WIPI2: variants seen among roughly 807,000 people sequenced by gnomAD.
The protein encoded by WIPI2 is WD repeat domain phosphoinositide-interacting protein 2.
In WIPI2, 28 loss-of-function variants were observed where a neutral mutation model predicts 52.3. The observed-to-expected ratio is 0.54, with a 90% CI of 0.40 to 0.73. The LOEUF (loss-of-function observed/expected upper bound fraction) is 0.73. WIPI2 is among the 30% of genes least tolerant of loss of function. The pLI is 0.00. For missense variants in WIPI2, 506 were observed against 602.9 expected (o/e 0.84, Z 1.68); for synonymous variants, 268 against 245.0 (o/e 1.09, Z -0.88).
In WIPI2 at chr7:5,223,406, C is replaced by T. The variant is rs1356734816; in HGVS notation, c.740+734C>T. ...GGCTGTCTTTCGGGGACTCTCCCGC[C>T]ATCTGGTCCCCTTTCCTCATGGGAT... On this transcript the variant is annotated intron_variant, in intron 8 of 12. Coordinates refer to ENST00000288828, the MANE Select transcript of WIPI2 (RefSeq NM_015610.4). Among the ~76,000 whole-genome samples the T allele has an allele frequency of 2.0e-5, 3 of 152,226 alleles. No individual in the cohort carries two copies. In the East Asian group the frequency reaches 5.8e-4, roughly 29 times the overall value.
At chr7:5,229,215 CTG>C (rs1185320306) in intron 11 of WIPI2, among the ~76,000 whole-genome samples, 2 of 152,110 alleles carry the variant, frequency 1.3e-5, no homozygotes, top group African/African-American at 4.8e-5. Flanking sequence ...CGGGGTTTCA[CTG>C]TGTTAGCCAG....
rs1043980287 is a variant in WIPI2, at chr7:5,232,553, G to A, written c.*1606G>A. ...TTTGATGAAATGGGATCCCGGTCAC[G>A]CAGGCTGAGACAGTGGGGACCGCCG... is the stretch of plus-strand genomic sequence containing the variant. On this transcript the variant is annotated 3_prime_UTR_variant, in exon 13 of 13. Transcript: ENST00000288828. The A allele has an allele frequency of 6.1e-5, 23 of 376,728 alleles. No individual in the cohort carries two copies. Among genetic ancestry groups the A allele is most frequent in the Middle Eastern group, 6.7e-4 (1 of 1,498 alleles). 23.3% of individuals were successfully genotyped at this position (376,728 alleles called of 1,614,324 possible). A position where few individuals can be genotyped will look rare whatever the true frequency, so the allele number is the denominator to read the frequency against.
At chr7:5,212,183 A>T (rs1782592831) in intron 3 of WIPI2, among the ~76,000 whole-genome samples, 1 of 152,072 alleles carries the variant, frequency 6.6e-6, no homozygotes, top group Admixed American at 6.6e-5. Context: ...ATGACAGGCG[A>T]CATTAGACCT....
intron 2 of WIPI2, among the ~76,000 whole-genome samples, chr7:5,195,591 C>T (rs1250461573): frequency 2.0e-5 from 3 of 152,208 alleles, no homozygotes; most frequent in African/African-American, 7.2e-5. Context: ...CTCCTACTTA[C>T]CTGTTGCTCT....
chr7:5,225,281 C>T (rs1327525557), intron 8 of WIPI2, among the ~76,000 whole-genome samples: 3 of 152,060 alleles, frequency 2.0e-5, no homozygotes, highest in Admixed American at 1.3e-4. Context: ...GCTGGGACTA[C>T]AGGCACCCGC....
rs779801986 is a variant in WIPI2 at position 5,227,216 on chromosome 7, C to G, written c.885C>G (p.Phe295Leu). 6.2e-7 allele frequency: 1 copy of G among 1,613,982 alleles called. No homozygotes were observed. Residue 295 changes from phenylalanine to leucine, a missense_variant, in exon 10 of 13, where the codon TTC (phenylalanine) becomes TTG (leucine). Physicochemically the swap from Phe to Leu is conservative, Grantham distance 22 (BLOSUM62 0). Transcript: ENST00000288828. The surrounding 1 kb of genome is among the most constrained non-coding windows in gnomAD (Gnocchi z 8.1). The part of the protein sequence containing the change: ...PEEPTTWTGY[F>L]GKVLMASTSY... Reference sequence around the variant, plus strand: ...AGCCCACCACCTGGACCGGGTACTTCGGGAAAGTGCTCATGGCCTCCACCA... The same window carrying G: ...AGCCCACCACCTGGACCGGGTACTTGGGGAAAGTGCTCATGGCCTCCACCA...
At chr7:5,208,772 G>A (rs1382280731) in intron 3 of WIPI2, among the ~76,000 whole-genome samples, 2 of 151,874 alleles carry the variant, frequency 1.3e-5, no homozygotes, top group South Asian at 2.1e-4. Context: ...TGATCTATTT[G>A]TCAGTCTTCA....
At chr7:5,225,992 C>G in intron 9 of WIPI2, 62 bp downstream of exon 9, 3 of 1,502,374 alleles carry the variant, frequency 2.0e-6, no homozygotes, top group South Asian at 2.4e-5. Context: ...CACTTGCTGC[C>G]GGGATGAGAG....
chr7:5,222,604 G>T lies in WIPI2; in HGVS notation c.672G>T (p.Gly224=), dbSNP rs1231828096. 2 of 1,613,786 alleles carry T rather than the reference G, an allele frequency of 1.2e-6. No individual in the cohort carries two copies. Among genetic ancestry groups the T allele is most frequent in the Non-Finnish European group, 1.7e-6 (2 of 1,179,848 alleles). ...TCTTTTCTCTTTTCCTTCCACAGGG[G>T]ACCGTGATTAGGGTATTTTCCATTC... ...GTKLATASEK[G]TVIRVFSIPE... The change falls in exon 8 of 13, where the codon GGG becomes GGT. Residue 224 remains glycine, a splice_region_variant and synonymous_variant. Transcript: ENST00000288828.
chr7:5,233,490 C>T lies in WIPI2; in HGVS notation c.*2543C>T, dbSNP rs7904. The T allele has an allele frequency of 0.37, 56,479 of 152,458 alleles. 10,545 individuals carry two copies. The highest frequency in any genetic ancestry group is 0.43 in the African/African-American group (17,822 of 41,484). The allele number at this position is 152,458 out of a possible 1,614,324, so 9.4% of individuals were successfully genotyped here. Reference sequence around the variant, plus strand: ...GTATTTTTCCAAACTTCAAAAAGGACGATGAGCGTGGGGGATAGGAAACAA... The same window carrying T: ...GTATTTTTCCAAACTTCAAAAAGGATGATGAGCGTGGGGGATAGGAAACAA... On this transcript the variant is annotated 3_prime_UTR_variant, in exon 13 of 13. Transcript: ENST00000288828.
chr7:5,190,310 T>C lies in WIPI2; in HGVS notation c.-110T>C. The C allele has an allele frequency of 3.2e-6, 2 of 634,890 alleles. No homozygotes were observed. Among genetic ancestry groups the C allele is most frequent in the Non-Finnish European group, 4.4e-6 (2 of 458,970 alleles). 39.3% of individuals were successfully genotyped at this position (634,890 alleles called of 1,614,324 possible). A position where few individuals can be genotyped will look rare whatever the true frequency, so the allele number is the denominator to read the frequency against. ...CGGCGGTTGATCCCAGGGTGGCGAG[T>C]GGCGGCGACCGAGGCGGCGAGCGGG... On this transcript the variant is annotated 5_prime_UTR_variant, in exon 1 of 13. Coordinates refer to ENST00000288828, the MANE Select transcript of WIPI2 (RefSeq NM_015610.4).
intron 6 of WIPI2, 167 bp downstream of exon 6, chr7:5,217,354 G>C (rs1358704771): frequency 2.8e-6 from 2 of 705,626 alleles, no homozygotes; most frequent in African/African-American, 3.5e-5. Context: ...GCCCATGCTG[G>C]AGTGCAGTGG....
chr7:5,220,167 C>CATA (rs1783038770), intron 7 of WIPI2, among the ~76,000 whole-genome samples: 2 of 151,562 alleles, frequency 1.3e-5, no homozygotes, highest in South Asian at 4.2e-4. Flanking sequence ...TGTATACTAT[C>CATA]CCATTGTATG....
At chr7:5,194,281 G>A (rs576503490) in intron 2 of WIPI2, among the ~76,000 whole-genome samples, 8 of 152,318 alleles carry the variant, frequency 5.3e-5, no homozygotes, top group African/African-American at 1.9e-4. Flanking sequence ...CCAGGTCTGG[G>A]CTGGCAGCCA....
At chr7:5,218,291 AC>A (rs2115285141) in intron 7 of WIPI2, 1 of 343,820 alleles carries the variant, frequency 2.9e-6, no homozygotes, top group Admixed American at 4.4e-5. Flanking sequence ...CACACCGCTC[AC>A]CCAGTGTGTT....
At chr7:5,193,708 C>A (rs760866915) in intron 2 of WIPI2, among the ~76,000 whole-genome samples, 1 of 151,896 alleles carries the variant, frequency 6.6e-6, no homozygotes, top group African/African-American at 2.4e-5. Context: ...CCCGAGAAAC[C>A]GGGACTACAG....
intron 8 of WIPI2, among the ~76,000 whole-genome samples, chr7:5,223,785 A>C (rs1783272682): frequency 6.6e-6 from 1 of 152,270 alleles, no homozygotes. Context: ...CCATCTTGGT[A>C]AATAGCGCCA....
Position 5,190,282 on chromosome 7 carries a change from AGGCGGC to A in WIPI2, c.-135_-130del, listed in dbSNP as rs970569295. ...CATAAACAAGAGCGGGGACGGGATG[AGGCGGC>A]GGTTGATCCCAGGGTGGCGAGTGGC... On this transcript the variant is annotated 5_prime_UTR_variant, in exon 1 of 13. Transcript: ENST00000288828. The A allele has an allele frequency of 4.7e-6, 2 of 422,672 alleles. No homozygotes were observed. Among genetic ancestry groups the A allele is most frequent in the African/African-American group, 4.2e-5 (2 of 47,278 alleles). 26.2% of individuals were successfully genotyped at this position (422,672 alleles called of 1,614,324 possible). A position where few individuals can be genotyped will look rare whatever the true frequency, so the allele number is the denominator to read the frequency against.
chr7:5,193,070 T>C, intron 1 of WIPI2, 48 bp from the exon 2 acceptor site: 1 of 1,575,234 alleles, frequency 6.3e-7, no homozygotes, highest in Non-Finnish European at 8.7e-7. Flanking sequence ...ATAAGTTTTA[T>C]TTGTTTTTTA....
Sources: allele counts gnomAD v4.1 joint callset (sites outside exome capture counted in the v4.1 genomes callset), GRCh38; gene constraint gnomAD v4.1.1; non-coding constraint Gnocchi (gnomAD v3.1); transcripts MANE v1.5; gene names NCBI Gene and HGNC (gene_info 2026-07-23, HGNC 2026-07-21).